The following DDX49 variants were observed in gnomAD, a reference collection of about 807,000 sequenced individuals.
DDX49 encodes probable ATP-dependent RNA helicase DDX49.
Under a neutral mutation model 56.3 loss-of-function variants are expected in DDX49, and 50 were observed. That is an observed-to-expected ratio of 0.89 (90% CI 0.71 to 1.12). The LOEUF (loss-of-function observed/expected upper bound fraction) is 1.12, where lower values mean the gene tolerates loss of function less well. Among genes scored for constraint, DDX49 ranks in the 50% most tolerant of loss-of-function variants. The pLI is 0.00. For missense variants in DDX49, 614 were observed against 650.5 expected (o/e 0.94, Z 0.61); for synonymous variants, 269 against 270.6 (o/e 0.99, Z 0.06).
intron 10 of DDX49, 59 bp from the exon 11 acceptor site, chr19:18,927,700 GGCTGAAC>G (rs1453603945): frequency 1.4e-6 from 2 of 1,410,946 alleles, no homozygotes; most frequent in East Asian, 4.6e-5. Flanking sequence ...CTCACTACTT[GGCTGAAC>G]TCCCTCTCCA....
chr19:18,924,323 G>C lies in DDX49; in HGVS notation c.852+15G>C. The C allele has an allele frequency of 6.3e-7, 1 of 1,594,990 alleles. No individual in the cohort carries two copies. The highest frequency in any genetic ancestry group is 8.5e-7 in the Non-Finnish European group (1 of 1,174,924). ...TGATGAAGCAGGTGAGGCCACCCTG[G>C]GGCCCGCCAGCCTCACCCTGGGATA... On this transcript the variant is annotated intron_variant, in intron 7 of 12. Transcript: ENST00000247003.
chr19:18,924,963 C>T lies in DDX49; in HGVS notation c.1011C>T (p.Gly337=). 6.2e-7 allele frequency: 1 copy of T among 1,611,250 alleles called. No individual in the cohort carries two copies. ...GLPKIYIHRV[G]RTARAGRQGQ... ...CCAAGATCTACATCCACCGAGTCGG[C>T]CGGACGGCCCGTGCAGGTGAGCAGT... Residue 337 remains glycine (G), a synonymous_variant, in exon 9 of 13, where the codon GGC becomes GGT. Transcript: ENST00000247003.
chr19:18,926,322 C>T lies in DDX49; in HGVS notation c.1047C>T (p.Ile349=), dbSNP rs1173763412. The change falls in exon 10 of 13, where the codon ATC becomes ATT. Residue 349 remains isoleucine (I), a synonymous_variant. Transcript: ENST00000247003. The part of the protein sequence containing the change: ...TARAGRQGQA[I]TLVTQYDIHL... The stretch of plus-strand genomic sequence containing the variant: ...CCACAGGGCGGCAGGGTCAGGCCAT[C>T]ACGCTGGTGACACAGTACGACATCC... 3 of 1,573,756 alleles carry T rather than the reference C, an allele frequency of 1.9e-6. No homozygotes were observed. The highest frequency in any genetic ancestry group is 2.6e-6 in the Non-Finnish European group (3 of 1,159,708).
chr19:18,920,525 G>C (rs1360327929), intron 1 of DDX49, 55 bp from the exon 2 acceptor site: 1 of 1,539,742 alleles, frequency 6.5e-7, no homozygotes, highest in African/African-American at 1.4e-5. Context: ...CAAGGTCTCT[G>C]AAACCCAGCT....
In DDX49 at chr19:18,924,917, A is replaced by G. The variant is rs768489242; in HGVS notation, c.965A>G (p.Asn322Ser). 9 of 1,612,550 alleles carry G rather than the reference A, an allele frequency of 5.6e-6. 1 individual carries two copies. The highest frequency in any genetic ancestry group is 1.1e-5 in the South Asian group (1 of 91,048). Residue 322 changes from asparagine to serine, a missense_variant, in exon 9 of 13, where the codon AAC (asparagine) becomes AGC (serine). By Grantham distance (46) the Asn-to-Ser change is conservative. Coordinates refer to ENST00000247003, the MANE Select transcript of DDX49 (RefSeq NM_019070.5). Reference protein sequence around the residue: ...LDIPTVQVVINHNTPGLPKIY... With the variant: ...LDIPTVQVVISHNTPGLPKIY... ...ATCCCTACGGTACAGGTGGTCATCAACCACAACACCCCCGGGCTCCCCAAG... is the reference window on the plus strand; with the variant it reads ...ATCCCTACGGTACAGGTGGTCATCAGCCACAACACCCCCGGGCTCCCCAAG...
intron 10 of DDX49, among the ~76,000 whole-genome samples, chr19:18,926,797 G>A (rs138007515): frequency 1.7e-3 from 259 of 152,290 alleles, no homozygotes; most frequent in African/African-American, 5.9e-3. Flanking sequence ...ACTTGGCCAG[G>A]CACAGTGGCT....
intron 10 of DDX49, among the ~76,000 whole-genome samples, chr19:18,927,477 CG>C (rs1193413805): frequency 1.3e-5 from 2 of 151,318 alleles, no homozygotes; most frequent in African/African-American, 2.4e-5. Flanking sequence ...AAAAAAATGG[CG>C]GGGGGAGGCT....
At chr19:18,927,061 A>T (rs1480787869) in intron 10 of DDX49, among the ~76,000 whole-genome samples, 46 of 116,050 alleles carry the variant, frequency 4.0e-4, no homozygotes, top group African/African-American at 1.2e-3. Flanking sequence ...TGACAGTGAG[A>T]CTCTGTCTCA....
intron 7 of DDX49, 87 bp from the exon 8 acceptor site, chr19:18,924,536 A>G (rs1417368313): frequency 7.0e-7 from 1 of 1,432,744 alleles, no homozygotes; most frequent in Admixed American, 1.7e-5. Context: ...ACGGCTGGGG[A>G]CTGTCCCGGC....
At position 18,927,427 on chromosome 19, in the gene DDX49, T is replaced by C. The variant is rs568410316; in HGVS notation, c.1103-339T>C. Among the ~76,000 whole-genome samples the C allele has an allele frequency of 5.9e-4, 89 of 151,786 alleles. No individual in the cohort carries two copies. The Middle Eastern group carries it at 0.01, about 17-fold the overall frequency. On this transcript the variant is annotated intron_variant, in intron 10 of 12. Transcript: ENST00000247003. ...TTTAAAGGACACTGTTTGCAAGAAATTAATATTCATGGTTAAACTCATAAT... is the reference window on the plus strand; with the variant it reads ...TTTAAAGGACACTGTTTGCAAGAAACTAATATTCATGGTTAAACTCATAAT...
At chr19:18,923,995 A>G (rs2056940028) in intron 6 of DDX49, among the ~76,000 whole-genome samples, 2 of 151,840 alleles carry the variant, frequency 1.3e-5, no homozygotes, top group South Asian at 2.1e-4. Context: ...TTTAGTACAG[A>G]TGGGGTTTTG....
intron 9 of DDX49, 104 bp from the exon 10 acceptor site, chr19:18,926,199 C>A (rs2056959211): frequency 8.2e-7 from 1 of 1,222,068 alleles, no homozygotes; most frequent in Admixed American, 2.1e-5. Context: ...AGCCCTTGTT[C>A]AGCATCTCCA....
intron 9 of DDX49, 33 bp from the exon 10 acceptor site, chr19:18,926,270 A>G (rs1397156418): frequency 1.3e-6 from 2 of 1,559,644 alleles, no homozygotes. Flanking sequence ...CCTGACGCCC[A>G]GCACATAGCA....
chr19:18,922,047 A>T, intron 4 of DDX49, 83 bp downstream of exon 4: 1 of 1,517,190 alleles, frequency 6.6e-7, no homozygotes, highest in African/African-American at 1.4e-5. Context: ...GCACCATCTC[A>T]TCCATTTAGG....
intron 11 of DDX49, 40 bp downstream of exon 11, chr19:18,927,894 G>A: frequency 1.2e-6 from 2 of 1,613,952 alleles, no homozygotes; most frequent in South Asian, 1.1e-5. Context: ...GTGCTCTCCA[G>A]GGCCGGGGGT....
Position 18,922,741 on chromosome 19 carries a change from G to T in DDX49, c.773G>T (p.Cys258Phe). Residue 258 changes from cysteine (C) to phenylalanine (F), a missense_variant, in exon 6 of 13, where the codon TGC becomes TTC. By Grantham distance (205) the Cys-to-Phe change is radical. Coordinates refer to ENST00000247003, the MANE Select transcript of DDX49 (RefSeq NM_019070.5). Reference protein sequence around the residue: ...DWSIIIFTNTCKTCQILCMML... With the variant: ...DWSIIIFTNTFKTCQILCMML... ...TCCATTATCATCTTCACCAACACGT[G>T]CAAGTGAGCGGGGCCCGCCTCTCCC... The T allele has an allele frequency of 6.2e-7, 1 of 1,608,048 alleles. No homozygotes were observed. Among genetic ancestry groups the T allele is most frequent in the Non-Finnish European group, 8.5e-7 (1 of 1,176,616 alleles).
chr19:18,921,815 G>A, intron 3 of DDX49, 28 bp from the exon 4 acceptor site: 3 of 1,614,020 alleles, frequency 1.9e-6, no homozygotes, highest in Non-Finnish European at 2.5e-6. Context: ...CACCTGCCCA[G>A]CCCTGCCTCT....
At chr19:18,921,156 G>A (rs1173780799) in intron 2 of DDX49, among the ~76,000 whole-genome samples, 1 of 150,764 alleles carries the variant, frequency 6.6e-6, no homozygotes, top group African/African-American at 2.4e-5. Flanking sequence ...AAAAAAAAAA[G>A]AAAGAAAGAA....
At chr19:18,920,733 G>T (rs1353659381) in intron 2 of DDX49, 30 bp downstream of exon 2, 3 of 1,579,550 alleles carry the variant, frequency 1.9e-6, no homozygotes, top group Admixed American at 1.7e-5. Flanking sequence ...CCTGGGTATG[G>T]GTTAACCAGC....
Sources: allele counts gnomAD v4.1 joint callset (sites outside exome capture counted in the v4.1 genomes callset), GRCh38; gene constraint gnomAD v4.1.1; transcripts MANE v1.5; gene names NCBI Gene and HGNC (gene_info 2026-07-23, HGNC 2026-07-21).